The following RGS7 variants were observed in gnomAD, a reference collection of about 807,000 sequenced individuals.
RGS7 encodes regulator of G protein signaling 7, also known as regulator of G-protein signaling 7.
RGS7 carries 27 observed loss-of-function variants against 81.1 expected under a neutral mutation model. The ratio of observed to expected loss-of-function variants is 0.33; its 90% CI spans 0.25 to 0.46. RGS7 has a LOEUF of 0.46. RGS7 is among the 20% of genes least tolerant of loss of function. RGS7 has a pLI of 1.00. For missense variants in RGS7, 396 were observed against 607.4 expected (o/e 0.65, Z 3.66); for synonymous variants, 208 against 207.7 (o/e 1.00, Z -0.01).
rs531574519 is a variant in RGS7, at chr1:241,294,950, G to A, written c.78+60749C>T. 1.1e-4 allele frequency among the ~76,000 whole-genome samples: 16 copies of A among 152,240 alleles called. No individual in the cohort carries two copies. In the South Asian group the frequency reaches 3.3e-3, roughly 32 times the overall value. The stretch of plus-strand genomic sequence containing the variant: ...GTGAGAGAAGAGAAATCACCTATAG[G>A]TGCACTTCTCAGAACATACTCTGGT... On this transcript the variant is annotated intron_variant, in intron 2 of 18. Coordinates refer to ENST00000440928, the MANE Select transcript of RGS7 (RefSeq NM_001364886.1).
intron 2 of RGS7, among the ~76,000 whole-genome samples, chr1:241,327,110 G>A (rs1370825400): frequency 1.0e-5 from 1 of 99,934 alleles, no homozygotes; most frequent in Non-Finnish European, 2.1e-5. Flanking sequence ...AAGAAAGAAA[G>A]AAAGAAAGAA....
At chr1:240,856,468 G>A (rs139084694) in intron 9 of RGS7, among the ~76,000 whole-genome samples, 1 of 152,232 alleles carries the variant, frequency 6.6e-6, no homozygotes, top group African/African-American at 2.4e-5. Context: ...TGAATCAACT[G>A]TGTAATGCAC....
At chr1:240,828,933 T>C (rs528943982) in intron 9 of RGS7, among the ~76,000 whole-genome samples, 1 of 152,142 alleles carries the variant, frequency 6.6e-6, no homozygotes, top group African/African-American at 2.4e-5. Flanking sequence ...AAGTCTTCCG[T>C]GGAGTTGGGG....
At chr1:240,950,669 A>G (rs929231713) in intron 4 of RGS7, among the ~76,000 whole-genome samples, 1 of 152,182 alleles carries the variant, frequency 6.6e-6, no homozygotes, top group African/African-American at 2.4e-5. Flanking sequence ...CACCATACCT[A>G]TAGGCTATGG....
chr1:241,106,982 A>G (rs1250879294), intron 2 of RGS7, among the ~76,000 whole-genome samples: 1 of 152,132 alleles, frequency 6.6e-6, no homozygotes, highest in Non-Finnish European at 1.5e-5. Context: ...TAAATAAACA[A>G]TTATGCTCAC....
chr1:240,999,426 T>A (rs1228258392), intron 3 of RGS7, among the ~76,000 whole-genome samples: 1 of 152,146 alleles, frequency 6.6e-6, no homozygotes, highest in African/African-American at 2.4e-5. Context: ...TACGAATTGC[T>A]TTTGGGCCAT....
intron 2 of RGS7, among the ~76,000 whole-genome samples, chr1:241,145,618 G>GTA (rs1170025443): frequency 1.3e-5 from 2 of 152,188 alleles, no homozygotes; most frequent in Admixed American, 1.3e-4. Context: ...TGTGGCACAT[G>GTA]CCTGCAATCC....
At chr1:241,327,307 T>C (rs2081661434) in intron 2 of RGS7, among the ~76,000 whole-genome samples, 1 of 152,172 alleles carries the variant, frequency 6.6e-6, no homozygotes, top group East Asian at 1.9e-4. Context: ...CACATGCCTA[T>C]AGGAAATATA....
At chr1:240,906,293 GC>G (rs1670807100) in intron 6 of RGS7, among the ~76,000 whole-genome samples, 1 of 152,148 alleles carries the variant, frequency 6.6e-6, no homozygotes, top group Non-Finnish European at 1.5e-5. Flanking sequence ...CCAGGGTACT[GC>G]ACCAGCCTTT....
chr1:240,840,942 A>ATGTG (rs138725846), intron 9 of RGS7, among the ~76,000 whole-genome samples: 2 of 151,688 alleles, frequency 1.3e-5, no homozygotes, highest in African/African-American at 4.8e-5. Context: ...GCTTGTGTGT[A>ATGTG]TGTGTGTGTG....
intron 10 of RGS7, 139 bp downstream of exon 10, chr1:240,826,959 T>C: frequency 1.3e-6 from 1 of 758,724 alleles, no homozygotes; most frequent in Middle Eastern, 2.3e-4. Context: ...GGGGCTATTC[T>C]TGAGGAAGGG....
At chr1:241,204,227 A>AGGT in intron 2 of RGS7, among the ~76,000 whole-genome samples, 1 of 152,370 alleles carries the variant, frequency 6.6e-6, no homozygotes, top group East Asian at 1.9e-4. Context: ...CAAGAATCAC[A>AGGT]GTCAACACCC....
chr1:241,222,739 AG>A (rs1451975203), intron 2 of RGS7, among the ~76,000 whole-genome samples: 3 of 152,170 alleles, frequency 2.0e-5, no homozygotes, highest in Non-Finnish European at 4.4e-5. Flanking sequence ...CACACAGCTA[AG>A]GAGTAGAGCC....
intron 3 of RGS7, among the ~76,000 whole-genome samples, chr1:241,003,705 T>C (rs565367414): frequency 6.6e-6 from 1 of 152,292 alleles, no homozygotes; most frequent in South Asian, 2.1e-4. Flanking sequence ...CCCACTCCTG[T>C]ATCTGCCTCC....
intron 14 of RGS7, 40 bp downstream of exon 14, chr1:240,811,878 G>A (rs2103097678): frequency 6.5e-7 from 1 of 1,540,480 alleles, no homozygotes; most frequent in East Asian, 2.2e-5. Context: ...ATCACAGACA[G>A]TATTTCTCTG....
At position 240,868,599 on chromosome 1, in the gene RGS7, C is replaced by T. The variant is rs34824344; in HGVS notation, c.597G>A (p.Val199=). ...LDSQERAFWD[V]HRPVPGCVNT... ...GACGCTTGCTTACCACGGGCCTGTG[C>T]ACGTCCCAGAACGCTCTCTCTTGGC... Residue 199 remains valine, a synonymous_variant, in exon 9 of 19, where the codon GTG becomes GTA. Transcript: ENST00000440928. This position sits in a 1 kb window ranked among gnomAD's most constrained non-coding sequence, Gnocchi z 5.1. 7.0e-4 allele frequency: 1,136 copies of T among 1,614,034 alleles called. 5 individuals are homozygous for T. The African/African-American group carries it at 0.013, about 19-fold the overall frequency.
intron 2 of RGS7, among the ~76,000 whole-genome samples, chr1:241,217,201 C>T (rs989954171): frequency 6.6e-6 from 1 of 152,088 alleles, no homozygotes; most frequent in Non-Finnish European, 1.5e-5. Context: ...TCTCCAGGTG[C>T]ACATATTGAG....
intron 5 of RGS7, among the ~76,000 whole-genome samples, chr1:240,932,738 G>A (rs1675715646): frequency 6.6e-6 from 1 of 151,064 alleles, no homozygotes; most frequent in Admixed American, 6.6e-5. Context: ...TCGATCTCCT[G>A]ACCTCGTGAT....
intron 1 of RGS7, 116 bp downstream of exon 1, chr1:241,356,783 C>A (rs1397755290): frequency 6.7e-6 from 1 of 149,280 alleles, no homozygotes; most frequent in Non-Finnish European, 1.5e-5. Flanking sequence ...CTCCCGGGGG[C>A]GGCCGCCCTG....
Sources: gnomAD v4.1 joint callset for allele counts (sites outside exome capture counted in the v4.1 genomes callset) on GRCh38, gnomAD v4.1.1 for gene constraint, Gnocchi (gnomAD v3.1) non-coding constraint, MANE v1.5 for transcripts, NCBI Gene and HGNC (gene_info 2026-07-23, HGNC 2026-07-21) for gene names.